Variants in SOS1 observed in about 807,000 individuals in gnomAD.
The protein encoded by SOS1 is son of sevenless homolog 1.
Under a neutral mutation model 157.6 loss-of-function variants are expected in SOS1, and 25 were observed. That is an observed-to-expected ratio of 0.16 (90% CI 0.12 to 0.22). The LOEUF (loss-of-function observed/expected upper bound fraction) is 0.22, where lower values mean the gene tolerates loss of function less well. Ranked by LOEUF, SOS1 falls within the 10% of genes least tolerant of loss-of-function variation. The pLI, the probability that SOS1 is intolerant of heterozygous loss-of-function variation, is 1.00. For missense variants in SOS1, 1,237 were observed against 1,599.1 expected, an observed-to-expected ratio of 0.77 and a Z score of 3.86; for synonymous variants, 528 against 534.0, an observed-to-expected ratio of 0.99 and a Z score of 0.16.
rs1289260245 is a variant in SOS1 at position 39,120,565 on chromosome 2, T to A, written c.-143A>T. 2 of 985,286 alleles carry A rather than the reference T, an allele frequency of 2.0e-6. No homozygotes were observed. The highest frequency in any genetic ancestry group is 2.4e-6 in the Non-Finnish European group (2 of 817,350). The allele number at this position is 985,286 out of a possible 1,614,324, so 61.0% of individuals were successfully genotyped here. A position where few individuals can be genotyped will look rare whatever the true frequency, so the allele number is the denominator to read the frequency against. ...CCCTCCGGGCGCCGCGCAGCCGGGCTAGCCCTGGCGAGGGGGCTGGGGGGC... is the reference window on the plus strand; with the variant it reads ...CCCTCCGGGCGCCGCGCAGCCGGGCAAGCCCTGGCGAGGGGGCTGGGGGGC... On this transcript the variant is annotated 5_prime_UTR_variant, in exon 1 of 23. An upstream open reading frame in the 5' UTR loses its in-frame stop. Transcript: ENST00000402219.
intron 2 of SOS1, among the ~76,000 whole-genome samples, chr2:39,065,459 A>AC (rs1671559826): frequency 6.6e-6 from 1 of 152,132 alleles, no homozygotes; most frequent in African/African-American, 2.4e-5. Flanking sequence ...CATCTTGGAG[A>AC]CCTTCACCCC....
At chr2:39,114,900 C>T (rs1673588203) in intron 1 of SOS1, among the ~76,000 whole-genome samples, 1 of 152,104 alleles carries the variant, frequency 6.6e-6, no homozygotes, top group Non-Finnish European at 1.5e-5. Flanking sequence ...ACACAGCCAA[C>T]TCTTTTCTTG....
chr2:39,060,980 T>C (rs1472264349), intron 2 of SOS1, among the ~76,000 whole-genome samples: 6 of 150,186 alleles, frequency 4.0e-5, no homozygotes, highest in Admixed American at 2.0e-4. Context: ...AGACTAATTG[T>C]AGGCAGGGGT....
chr2:39,008,310 T>G (rs1253334753), intron 15 of SOS1, among the ~76,000 whole-genome samples: 1 of 152,176 alleles, frequency 6.6e-6, no homozygotes, highest in African/African-American at 2.4e-5. Flanking sequence ...AGCATCCGTC[T>G]GCCACTCTAC....
At chr2:39,060,893 C>A (rs1192280293) in intron 2 of SOS1, among the ~76,000 whole-genome samples, 1 of 150,848 alleles carries the variant, frequency 6.6e-6, no homozygotes, top group Non-Finnish European at 1.5e-5. Context: ...AGAAGTTGAA[C>A]TCAACCTAAC....
At position 39,011,504 on chromosome 2, in the gene SOS1, C is replaced by T. The variant is rs192128687; in HGVS notation, c.2390+622G>A. ...CTAGGAAATAAAATAGATTCTAACA[C>T]TGTAATTTTCAGAAATACGATTTTC... On this transcript the variant is annotated intron_variant, in intron 14 of 22. Transcript: ENST00000402219. Among the ~76,000 whole-genome samples the T allele has an allele frequency of 5.3e-4, 80 of 152,098 alleles. 1 individual carries two copies. The highest frequency in any genetic ancestry group is 4.8e-3 in the Admixed American group (73 of 15,278).
chr2:39,095,471 TA>T (rs1672739077), intron 1 of SOS1, among the ~76,000 whole-genome samples: 1 of 152,196 alleles, frequency 6.6e-6, no homozygotes, highest in Admixed American at 6.5e-5. Context: ...TTTCCTAGGT[TA>T]TCAAGAGAAC....
In SOS1 at chr2:38,983,080, C is replaced by T. The variant is rs1417382035; in HGVS notation, c.*2744G>A. 2 of 152,096 alleles carry T rather than the reference C, an allele frequency of 1.3e-5. No homozygotes were observed. The highest frequency in any genetic ancestry group is 4.8e-5 in the African/African-American group (2 of 41,432). 9.4% of individuals were successfully genotyped at this position (152,096 alleles called of 1,614,324 possible). ...CCTGATAATGTGTAGTCTTAAAATA[C>T]ATCAGCCTTGAAATATTTTCATTTC... On this transcript the variant is annotated 3_prime_UTR_variant, in exon 23 of 23. Coordinates refer to ENST00000402219, the MANE Select transcript of SOS1 (RefSeq NM_005633.4).
At chr2:39,107,076 G>C (rs965843069) in intron 1 of SOS1, among the ~76,000 whole-genome samples, 10 of 151,490 alleles carry the variant, frequency 6.6e-5, no homozygotes, top group South Asian at 2.1e-4. Context: ...TCACCTTAAG[G>C]CATCCTTTTT....
At chr2:39,033,073 C>CT (rs775332046) in intron 8 of SOS1, among the ~76,000 whole-genome samples, 5,258 of 142,146 alleles carry the variant, frequency 0.037, 263 homozygotes, top group African/African-American at 0.11. Context: ...TCTTTTTCTT[C>CT]TTTTTTTTTT....
intron 17 of SOS1, among the ~76,000 whole-genome samples, chr2:39,000,658 T>A (rs1211973008): frequency 4.6e-5 from 7 of 152,184 alleles, no homozygotes; most frequent in Admixed American, 4.6e-4. Flanking sequence ...TGTCCACACT[T>A]CAGTCTACAC....
At position 38,990,170 on chromosome 2, in the gene SOS1, G is replaced by T. The variant is rs544719893; in HGVS notation, c.3347-856C>A. Among the ~76,000 whole-genome samples the T allele has an allele frequency of 6.5e-4, 88 of 135,196 alleles. 1 individual carries two copies. The highest frequency in any genetic ancestry group is 4.5e-3 in the Admixed American group (60 of 13,420). The allele number at this position is 135,196 out of a possible 152,430, so 88.7% of individuals were successfully genotyped here. On this transcript the variant is annotated intron_variant, in intron 20 of 22. Coordinates refer to ENST00000402219, the MANE Select transcript of SOS1 (RefSeq NM_005633.4). ...GTAATTTTTTTTAAATTCAGATTTC[G>T]TTTTTTTTTTTTTGCACAATAGGCA... is the stretch of plus-strand genomic sequence containing the variant.
intron 21 of SOS1, among the ~76,000 whole-genome samples, chr2:38,988,360 A>G (rs1159163452): frequency 2.6e-5 from 4 of 152,312 alleles, no homozygotes; most frequent in Middle Eastern, 3.4e-3. Flanking sequence ...ACAGACATTT[A>G]TGGTAACAAG....
intron 10 of SOS1, 31 bp downstream of exon 10, chr2:39,022,539 C>G: frequency 6.3e-7 from 1 of 1,583,768 alleles, no homozygotes; most frequent in African/African-American, 1.3e-5. Flanking sequence ...AGCAGGAAAA[C>G]AAAAGTGACA....
intron 1 of SOS1, among the ~76,000 whole-genome samples, chr2:39,096,696 T>A (rs1046238345): frequency 6.6e-6 from 1 of 152,070 alleles, no homozygotes; most frequent in Non-Finnish European, 1.5e-5. Context: ...CCATCTTGGC[T>A]AACATGGTGA....
At chr2:39,050,238 G>C (rs1163846732) in intron 6 of SOS1, among the ~76,000 whole-genome samples, 1 of 152,108 alleles carries the variant, frequency 6.6e-6, no homozygotes, top group Non-Finnish European at 1.5e-5. Context: ...AGAAACCTCA[G>C]AATGACTCTT....
chr2:38,991,385 T>TAAAG (rs1553350380), intron 20 of SOS1, among the ~76,000 whole-genome samples: 1 of 152,200 alleles, frequency 6.6e-6, no homozygotes, highest in Non-Finnish European at 1.5e-5. Flanking sequence ...TTTTTGTTGT[T>TAAAG]AAAGAGTCCC....
chr2:39,121,671 C>G (rs1408367114), upstream of SOS1, among the ~76,000 whole-genome samples: 2 of 152,216 alleles, frequency 1.3e-5, no homozygotes, highest in African/African-American at 4.8e-5. Context: ...ACTTATGCCC[C>G]TCTCAGGGCG....
chr2:39,120,344 G>A lies in SOS1; in HGVS notation c.79C>T (p.Leu27=), dbSNP rs1236971634. ...TCCCGCGTGCTCCTCACCTTTTTCA[G>A]CGCAGGCACCAGTAGTCCCCGCCAC... is the stretch of plus-strand genomic sequence containing the variant. ...PKWRGLLVPA[L]KKVQGQVHPT... Residue 27 remains leucine, a synonymous_variant, in exon 1 of 23, where the codon CTG becomes TTG. Transcript: ENST00000402219. 2 of 1,586,682 alleles carry A rather than the reference G, an allele frequency of 1.3e-6. No homozygotes were observed. Among genetic ancestry groups the A allele is most frequent in the African/African-American group, 1.4e-5 (1 of 73,000 alleles).
Sources: gnomAD v4.1 joint callset for allele counts (sites outside exome capture counted in the v4.1 genomes callset) on GRCh38, gnomAD v4.1.1 for gene constraint, MANE v1.5 for transcripts, NCBI Gene and HGNC (gene_info 2026-07-23, HGNC 2026-07-21) for gene names.